The following FTO variants were observed in gnomAD, a reference collection of about 807,000 sequenced individuals.
FTO encodes FTO alpha-ketoglutarate dependent dioxygenase.
FTO carries 47 observed loss-of-function variants against 63.9 expected under a neutral mutation model. That is an observed-to-expected ratio of 0.74 (90% confidence interval 0.58 to 0.94). The LOEUF is 0.94. Among genes scored for constraint, FTO ranks in the 40% least tolerant of loss-of-function variants. The probability of loss-of-function intolerance (pLI) is 0.00; values close to 1 mark genes in which losing one functional copy is unlikely to be tolerated. For synonymous variants in FTO, 207 were observed against 224.4 expected (o/e 0.92, Z 0.69); for missense variants, 562 against 618.1 (o/e 0.91, Z 0.96).
intron 7 of FTO, among the ~76,000 whole-genome samples, chr16:53,906,579 G>A (rs1036271997): frequency 1.8e-4 from 28 of 152,164 alleles, no homozygotes; most frequent in Admixed American, 1.6e-3. Flanking sequence ...TTGGAAGATG[G>A]TAGGATACAT....
intron 7 of FTO, among the ~76,000 whole-genome samples, chr16:53,898,168 C>T (rs2081316971): frequency 6.6e-6 from 1 of 152,074 alleles, no homozygotes; most frequent in African/African-American, 2.4e-5. Context: ...GCCTAATGCC[C>T]TGCAGGATCT....
chr16:53,903,439 A>G (rs2081455226), intron 7 of FTO, among the ~76,000 whole-genome samples: 1 of 151,960 alleles, frequency 6.6e-6, no homozygotes, highest in South Asian at 2.1e-4. Flanking sequence ...TTGTATTTTT[A>G]GTAGAGACAG....
chr16:54,083,316 G>A (rs551904606), intron 8 of FTO, among the ~76,000 whole-genome samples: 15 of 152,032 alleles, frequency 9.9e-5, no homozygotes, highest in Non-Finnish European at 1.5e-4. Context: ...TTGGCAACAC[G>A]CCCGCTGTTT....
intron 1 of FTO, among the ~76,000 whole-genome samples, chr16:53,737,474 A>G (rs1173378422): frequency 6.6e-6 from 1 of 152,230 alleles, no homozygotes; most frequent in Non-Finnish European, 1.5e-5. Flanking sequence ...TACTGTACTG[A>G]ATACTGTAGG....
chr16:53,934,405 T>C (rs968136671), intron 8 of FTO, among the ~76,000 whole-genome samples: 2 of 152,250 alleles, frequency 1.3e-5, no homozygotes, highest in African/African-American at 4.8e-5. Flanking sequence ...AAGAACCCTT[T>C]TTAATCAACA....
intron 1 of FTO, among the ~76,000 whole-genome samples, chr16:53,711,834 T>G (rs982651976): frequency 1.3e-5 from 2 of 152,240 alleles, no homozygotes; most frequent in Non-Finnish European, 2.9e-5. Flanking sequence ...ATCCAGAATA[T>G]GTAACCTACC....
intron 1 of FTO, among the ~76,000 whole-genome samples, chr16:53,721,823 A>G (rs2076048469): frequency 6.6e-6 from 1 of 152,110 alleles, no homozygotes. Context: ...TGCTCCTGTC[A>G]CCCTCTGACC....
chr16:53,792,088 A>C (rs7205859), intron 1 of FTO, among the ~76,000 whole-genome samples: 1 of 150,162 alleles, frequency 6.7e-6, no homozygotes, highest in Non-Finnish European at 1.5e-5. Context: ...AAAAAAAAAA[A>C]AAAAATAAAA....
At chr16:53,959,920 TAG>T (rs1456129757) in intron 8 of FTO, among the ~76,000 whole-genome samples, 3 of 152,038 alleles carry the variant, frequency 2.0e-5, no homozygotes, top group African/African-American at 4.8e-5. Flanking sequence ...CAAAGTGTGA[TAG>T]AGAGTGAATA....
chr16:53,834,978 T>C (rs920225323), intron 3 of FTO, among the ~76,000 whole-genome samples: 9 of 152,248 alleles, frequency 5.9e-5, no homozygotes, highest in Non-Finnish European at 1.2e-4. Flanking sequence ...ATCATATATA[T>C]ACATGAGAAT....
intron 1 of FTO, among the ~76,000 whole-genome samples, chr16:53,738,241 C>T (rs924127126): frequency 1.2e-4 from 18 of 151,998 alleles, no homozygotes; most frequent in African/African-American, 3.4e-4. Context: ...AGGCTGGTCT[C>T]GAACTCCCCA....
At chr16:53,916,705 G>A (rs530664493) in intron 7 of FTO, among the ~76,000 whole-genome samples, 1 of 152,340 alleles carries the variant, frequency 6.6e-6, no homozygotes, top group African/African-American at 2.4e-5. Flanking sequence ...AAGGACTTGT[G>A]TGATCTTCTG....
chr16:54,009,148 A>G (rs757299740), intron 8 of FTO, among the ~76,000 whole-genome samples: 6 of 152,148 alleles, frequency 3.9e-5, no homozygotes, highest in Non-Finnish European at 7.3e-5. Flanking sequence ...GGGTTGTTAC[A>G]TGGTGGGTGT....
At chr16:53,847,613 C>G (rs921360624) in intron 4 of FTO, among the ~76,000 whole-genome samples, 1 of 151,712 alleles carries the variant, frequency 6.6e-6, no homozygotes, top group Admixed American at 6.6e-5. Flanking sequence ...ACTAAAAATA[C>G]AAAAATTAGC....
At chr16:53,905,586 C>T (rs796459325) in intron 7 of FTO, among the ~76,000 whole-genome samples, 5 of 152,308 alleles carry the variant, frequency 3.3e-5, no homozygotes, top group African/African-American at 9.6e-5. Context: ...ATAATCCATG[C>T]TTTCCATTCA....
intron 8 of FTO, among the ~76,000 whole-genome samples, chr16:53,986,265 G>C (rs1017717317): frequency 1.3e-5 from 2 of 152,138 alleles, no homozygotes; most frequent in East Asian, 3.8e-4. Flanking sequence ...AATAGACAGG[G>C]AAAACCTGAG....
intron 7 of FTO, among the ~76,000 whole-genome samples, chr16:53,926,900 C>T (rs990785073): frequency 6.6e-6 from 1 of 151,864 alleles, no homozygotes; most frequent in Non-Finnish European, 1.5e-5. Flanking sequence ...TGCCAATAAC[C>T]GAAGCATATA....
chr16:53,869,785 C>T (rs898517912), intron 4 of FTO, among the ~76,000 whole-genome samples: 1 of 152,092 alleles, frequency 6.6e-6, no homozygotes, highest in Admixed American at 6.6e-5. Flanking sequence ...CTACGTTGTC[C>T]TTTAGGGTCC....
At chr16:53,905,733 T>C (rs1452864192) in intron 7 of FTO, among the ~76,000 whole-genome samples, 3 of 152,216 alleles carry the variant, frequency 2.0e-5, no homozygotes, top group South Asian at 2.1e-4. Context: ...TATAAGCACC[T>C]TGAGAGCAGG....
Sources: allele counts gnomAD v4.1 joint callset (sites outside exome capture counted in the v4.1 genomes callset), GRCh38; gene constraint gnomAD v4.1.1; transcripts MANE v1.5; gene names NCBI Gene and HGNC (gene_info 2026-07-23, HGNC 2026-07-21).